RALYL: variants seen among roughly 807,000 people sequenced by gnomAD.
RALYL encodes RNA-binding Raly-like protein.
Under a neutral mutation model 35.1 loss-of-function variants are expected in RALYL, and 29 were observed. The ratio of observed to expected loss-of-function variants is 0.83; its 90% CI spans 0.61 to 1.13. The LOEUF is 1.13. RALYL is among the 50% of genes most tolerant of loss of function. The pLI, the probability that RALYL is intolerant of heterozygous loss-of-function variation, is 0.00. For synonymous variants in RALYL, 120 were observed against 127.6 expected (o/e 0.94, Z 0.40); for missense variants, 359 against 360.4 (o/e 1.00, Z 0.03).
At chr8:84,470,468 G>T (rs966419809) in intron 1 of RALYL, among the ~76,000 whole-genome samples, 60 of 142,876 alleles carry the variant, frequency 4.2e-4, no homozygotes, top group Middle Eastern at 7.3e-3. Context: ...GATTGTATGG[G>T]TTTTTTTTTT....
In RALYL at chr8:84,541,464, A is replaced by G. The variant is rs146657914; in HGVS notation, c.256+11887A>G. The stretch of plus-strand genomic sequence containing the variant: ...ATATAATAAAATTAATTAAAATTCA[A>G]TGAGAACTTTTAAATAGCCCTAGAT... On this transcript the variant is annotated intron_variant, in intron 2 of 8. Transcript: ENST00000521268. Among the ~76,000 whole-genome samples, 931 of 152,100 alleles carry G rather than the reference A, an allele frequency of 6.1e-3. 8 individuals are homozygous for G. The highest frequency in any genetic ancestry group is 0.021 in the African/African-American group (871 of 41,544).
rs60255403 is a variant in RALYL, at chr8:84,884,876, G to A, written c.686-2728G>A. On this transcript the variant is annotated intron_variant, in intron 7 of 8. Transcript: ENST00000521268. ...GAAAGCTAGGGCATTTTGAACAAGC[G>A]GCAGGGTGACATAGAGTGGCAAGAA... 2.2e-3 allele frequency among the ~76,000 whole-genome samples: 342 copies of A among 152,094 alleles called. 1 individual carries two copies. Among genetic ancestry groups the A allele is most frequent in the African/African-American group, 7.7e-3 (319 of 41,506 alleles).
chr8:84,272,306 C>G (rs1458764215), intron 1 of RALYL, among the ~76,000 whole-genome samples: 1 of 152,018 alleles, frequency 6.6e-6, no homozygotes, highest in African/African-American at 2.4e-5. Context: ...GTTGGCCAGG[C>G]TGGTCTCGAA....
At chr8:84,491,612 G>C (rs2055316219) in intron 1 of RALYL, among the ~76,000 whole-genome samples, 1 of 151,906 alleles carries the variant, frequency 6.6e-6, no homozygotes, top group African/African-American at 2.4e-5. Context: ...GATTTTCTCA[G>C]AATTTCCCCT....
At chr8:84,733,100 G>GA (rs1179058569) in intron 2 of RALYL, among the ~76,000 whole-genome samples, 2 of 152,092 alleles carry the variant, frequency 1.3e-5, no homozygotes, top group Non-Finnish European at 2.9e-5. Context: ...GATAAAAGTG[G>GA]AAAATGTGGC....
In RALYL at chr8:84,462,758, T is replaced by C. The variant is rs112503344; in HGVS notation, c.-23-66541T>C. ...CAAGCTCATTTTTCTCTCTCTACTC[T>C]GTTTCCTCCAAACTATCCCACACTT... On this transcript the variant is annotated intron_variant, in intron 1 of 8. Transcript: ENST00000521268. Among the ~76,000 whole-genome samples the C allele has an allele frequency of 4.1e-3, 625 of 151,878 alleles. 2 individuals are homozygous for C. Among genetic ancestry groups the C allele is most frequent in the Non-Finnish European group, 4.6e-3 (309 of 67,782 alleles).
intron 2 of RALYL, among the ~76,000 whole-genome samples, chr8:84,743,912 G>T (rs867712449): frequency 6.6e-6 from 1 of 151,992 alleles, no homozygotes; most frequent in Non-Finnish European, 1.5e-5. Context: ...ACAGAAAGCA[G>T]AATGCTGGTA....
At chr8:84,454,388 C>G (rs2049896239) in intron 1 of RALYL, among the ~76,000 whole-genome samples, 1 of 151,812 alleles carries the variant, frequency 6.6e-6, no homozygotes, top group South Asian at 2.1e-4. Context: ...CATACATGCA[C>G]ACTGCTATAC....
At chr8:84,893,914 G>A (rs1341212031) in intron 8 of RALYL, among the ~76,000 whole-genome samples, 2 of 152,192 alleles carry the variant, frequency 1.3e-5, no homozygotes, top group African/African-American at 4.8e-5. Flanking sequence ...TAGCTGAACT[G>A]TGTAATACTT....
chr8:84,564,361 T>G (rs536512893), intron 2 of RALYL, among the ~76,000 whole-genome samples: 1 of 151,842 alleles, frequency 6.6e-6, no homozygotes, highest in South Asian at 2.1e-4. Flanking sequence ...TCTTGAACAC[T>G]TTCAAGAATG....
At chr8:84,804,724 A>G in intron 3 of RALYL, 46 bp from the exon 4 acceptor site, 1 of 1,012,510 alleles carries the variant, frequency 9.9e-7, no homozygotes, top group Non-Finnish European at 1.3e-6. Flanking sequence ...TTTTGAATAT[A>G]CAGCAAATTT....
chr8:84,761,974 G>A (rs1812818842), intron 2 of RALYL, among the ~76,000 whole-genome samples: 1 of 152,044 alleles, frequency 6.6e-6, no homozygotes, highest in South Asian at 2.1e-4. Context: ...CAAAGATTTG[G>A]AGGAATTTAG....
intron 1 of RALYL, among the ~76,000 whole-genome samples, chr8:84,363,527 G>C (rs1362381464): frequency 1.3e-5 from 2 of 152,174 alleles, no homozygotes; most frequent in Non-Finnish European, 2.9e-5. Flanking sequence ...GGGAGTTCTG[G>C]AGAATTTGCC....
chr8:84,313,405 G>C (rs1038313063), intron 1 of RALYL, among the ~76,000 whole-genome samples: 10 of 152,160 alleles, frequency 6.6e-5, no homozygotes, highest in Non-Finnish European at 1.5e-4. Context: ...CCCAGAAAGT[G>C]GGGTTTTCTA....
chr8:84,425,998 A>G (rs893000124), intron 1 of RALYL, among the ~76,000 whole-genome samples: 1 of 152,170 alleles, frequency 6.6e-6, no homozygotes, highest in South Asian at 2.1e-4. Flanking sequence ...CCGTTTATCC[A>G]TTTATATAAT....
intron 2 of RALYL, among the ~76,000 whole-genome samples, chr8:84,765,165 C>T (rs1164840589): frequency 6.6e-6 from 1 of 152,114 alleles, no homozygotes; most frequent in African/African-American, 2.4e-5. Flanking sequence ...CTACAGCACT[C>T]CTTTAATCAT....
intron 2 of RALYL, among the ~76,000 whole-genome samples, chr8:84,552,354 A>G (rs1488605422): frequency 5.0e-5 from 3 of 60,166 alleles, no homozygotes; most frequent in African/African-American, 2.1e-4. Context: ...ATATATATAT[A>G]TATATTTTTT....
chr8:84,640,448 C>T (rs1332266692), intron 2 of RALYL, among the ~76,000 whole-genome samples: 3 of 151,908 alleles, frequency 2.0e-5, no homozygotes, highest in Non-Finnish European at 2.9e-5. Flanking sequence ...TTTAATCAGA[C>T]ATCAGAAGAT....
At chr8:84,638,922 T>TATATA (rs1825706403) in intron 2 of RALYL, among the ~76,000 whole-genome samples, 1 of 72,158 alleles carries the variant, frequency 1.4e-5, no homozygotes, top group Non-Finnish European at 3.0e-5. Context: ...ATATATATAT[T>TATATA]CTCTCACAAT....
Sources: gnomAD v4.1 joint callset for allele counts (sites outside exome capture counted in the v4.1 genomes callset) on GRCh38, gnomAD v4.1.1 for gene constraint, MANE v1.5 for transcripts, NCBI Gene and HGNC (gene_info 2026-07-23, HGNC 2026-07-21) for gene names.